Variants in PURG observed in about 807,000 individuals in gnomAD.
PURG encodes the protein purine rich element binding protein G, also known as purine-rich element-binding protein gamma.
In PURG, 3 loss-of-function variants were observed where a neutral mutation model predicts 24.3. The ratio of observed to expected loss-of-function variants is 0.12; its 90% CI spans 0.06 to 0.32. PURG has a LOEUF of 0.32. Ranked by LOEUF, PURG falls within the 10% of genes least tolerant of loss-of-function variation. PURG has a pLI of 1.00. For synonymous variants in PURG, 180 were observed against 173.1 expected, an observed-to-expected ratio of 1.04 and a Z score of -0.31; for missense variants, 371 against 439.1, an observed-to-expected ratio of 0.84 and a Z score of 1.39.
chr8:31,003,990 T>C (rs1038237193), intron 1 of PURG, among the ~76,000 whole-genome samples: 4 of 152,154 alleles, frequency 2.6e-5, no homozygotes, highest in Admixed American at 2.0e-4. Context: ...TTGGTAACTA[T>C]AGAATTTTCT....
chr8:31,017,630 G>A (rs373176007), intron 1 of PURG, among the ~76,000 whole-genome samples: 1 of 152,082 alleles, frequency 6.6e-6, no homozygotes, highest in South Asian at 2.1e-4. Context: ...CAGATGATTA[G>A]AAGAAGTGAC....
chr8:31,009,865 T>C (rs1810732080), intron 1 of PURG, among the ~76,000 whole-genome samples: 1 of 152,152 alleles, frequency 6.6e-6, no homozygotes, highest in Admixed American at 6.5e-5. Flanking sequence ...CATGTGGTCA[T>C]TTATCTCTTG....
In PURG at chr8:31,032,124, T is replaced by C. The variant is rs781288340; in HGVS notation, c.659A>G (p.Gln220Arg). 6.2e-7 allele frequency: 1 copy of C among 1,614,134 alleles called. No individual in the cohort carries two copies. The highest frequency in any genetic ancestry group is 2.2e-5 in the East Asian group (1 of 44,902). ...GYFGHSLGQE[Q>R]TIVLPAQGMI... is the part of the protein sequence containing the mutation. Reference sequence around the variant, plus strand: ...TCCTTGTGCTGGGAGGACAATAGTCTGTTCTTGGCCCAAACTGTGGCCAAA... The same window carrying C: ...TCCTTGTGCTGGGAGGACAATAGTCCGTTCTTGGCCCAAACTGTGGCCAAA... Residue 220 changes from glutamine to arginine, a missense_variant, in exon 2 of 2, where the codon CAG becomes CGG. By Grantham distance (43) the Gln-to-Arg change is conservative. Transcript: ENST00000523392. The surrounding 1 kb of genome is among the most constrained non-coding windows in gnomAD (Gnocchi z 5.9).
At chr8:30,996,309 T>C (rs1439770846) in exon 2 of PURG, 1 of 225,548 alleles carries the variant, frequency 4.4e-6, no homozygotes, top group East Asian at 9.1e-5. Context: ...TTCAAATCTA[T>C]ATGTCTCTCT....
In PURG at chr8:31,031,571, C is replaced by A. The variant is rs1397975786; in HGVS notation, c.*168G>T. ...GAATTCCCGTAAGAATTATAGTGAT[C>A]TATGTGTAACATAACATGAGAATCA... On this transcript the variant is annotated 3_prime_UTR_variant, in exon 2 of 2. Coordinates refer to ENST00000523392, the MANE Select transcript of PURG (RefSeq NM_001323311.2). The A allele has an allele frequency of 9.2e-6, 6 of 654,020 alleles. No individual in the cohort carries two copies. In the South Asian group the frequency reaches 1.0e-4, roughly 11 times the overall value. 40.5% of individuals were successfully genotyped at this position (654,020 alleles called of 1,614,324 possible).
chr8:31,007,799 C>T (rs545670557), intron 1 of PURG, among the ~76,000 whole-genome samples: 5 of 152,142 alleles, frequency 3.3e-5, no homozygotes, highest in African/African-American at 9.6e-5. Context: ...AGCAATTGGT[C>T]CCTCAATCAT....
At chr8:31,003,248 G>C (rs1810574894) in intron 1 of PURG, among the ~76,000 whole-genome samples, 1 of 152,116 alleles carries the variant, frequency 6.6e-6, no homozygotes, top group Admixed American at 6.6e-5. Context: ...TAGGGGAAAA[G>C]GAAAGCACGT....
At chr8:31,003,787 C>CA (rs1563303524) in intron 1 of PURG, among the ~76,000 whole-genome samples, 5 of 151,348 alleles carry the variant, frequency 3.3e-5, no homozygotes, top group South Asian at 2.1e-4. Context: ...AACAAAAAAA[C>CA]AAAAAAAACA....
intron 1 of PURG, among the ~76,000 whole-genome samples, chr8:31,013,554 T>C (rs1810801996): frequency 6.6e-6 from 1 of 152,022 alleles, no homozygotes; most frequent in African/African-American, 2.4e-5. Context: ...CCGGCCAACA[T>C]GGTGAAACTT....
chr8:31,026,637 AATATAT>A (rs397791712), downstream of PURG, among the ~76,000 whole-genome samples: 13 of 128,658 alleles, frequency 1.0e-4, no homozygotes, highest in African/African-American at 1.1e-4. Context: ...TTTTAAAAAG[AATATAT>A]ATATATATAT....
At chr8:31,024,577 T>C (rs1811056082) in intron 1 of PURG, among the ~76,000 whole-genome samples, 1 of 152,162 alleles carries the variant, frequency 6.6e-6, no homozygotes. Flanking sequence ...CCACTGTCTT[T>C]CTCTTTTCTA....
chr8:30,996,508 T>C, exon 2 of PURG: 1 of 964,092 alleles, frequency 1.0e-6, no homozygotes, highest in Non-Finnish European at 1.6e-6. Flanking sequence ...TGTCAAGTAC[T>C]GAGGCCTTAC....
chr8:30,996,796 CCTTT>C (rs1179361774), intron 1 of PURG: 1 of 948,572 alleles, frequency 1.1e-6, no homozygotes, highest in East Asian at 2.6e-5. Context: ...TCGTTGAAAA[CCTTT>C]CTGTTAGAAA....
chr8:31,009,255 T>A (rs12679053), intron 1 of PURG, among the ~76,000 whole-genome samples: 58,410 of 151,790 alleles, frequency 0.38, 13,761 homozygotes, highest in East Asian at 0.69. Context: ...TGAAACCCCA[T>A]CTCTTCCAAA....
At chr8:31,007,205 C>G (rs1467981867) in intron 1 of PURG, among the ~76,000 whole-genome samples, 1 of 151,868 alleles carries the variant, frequency 6.6e-6, no homozygotes, top group Admixed American at 6.6e-5. Context: ...TCATTAGTAT[C>G]AAAGGAAAAT....
intron 1 of PURG, among the ~76,000 whole-genome samples, chr8:31,022,728 T>C (rs1380490348): frequency 2.0e-5 from 3 of 152,224 alleles, no homozygotes; most frequent in African/African-American, 7.2e-5. Flanking sequence ...ATACCCTTTT[T>C]GGAACATTTA....
At chr8:31,003,730 C>A (rs914412247) in intron 1 of PURG, among the ~76,000 whole-genome samples, 2 of 151,988 alleles carry the variant, frequency 1.3e-5, no homozygotes, top group Non-Finnish European at 2.9e-5. Flanking sequence ...CCACTGCAAT[C>A]CAGCCTGGGT....
chr8:31,013,691 C>T (rs1044837677), intron 1 of PURG, among the ~76,000 whole-genome samples: 8 of 152,122 alleles, frequency 5.3e-5, no homozygotes, highest in Non-Finnish European at 1.0e-4. Flanking sequence ...GAGCCGAGGT[C>T]GCGCCACTGC....
chr8:31,023,997 C>T (rs181119273), intron 1 of PURG, among the ~76,000 whole-genome samples: 1 of 152,202 alleles, frequency 6.6e-6, no homozygotes, highest in East Asian at 1.9e-4. Flanking sequence ...AGCAATGCTC[C>T]TTCCAAATAA....
Sources: gnomAD v4.1 joint callset for allele counts (sites outside exome capture counted in the v4.1 genomes callset) on GRCh38, gnomAD v4.1.1 for gene constraint, Gnocchi (gnomAD v3.1) non-coding constraint, MANE v1.5 for transcripts, NCBI Gene and HGNC (gene_info 2026-07-23, HGNC 2026-07-21) for gene names.